Variants in ZFAND3 observed in about 807,000 individuals in gnomAD.
The protein encoded by ZFAND3 is AN1-type zinc finger protein 3.
Under a neutral mutation model 29.6 loss-of-function variants are expected in ZFAND3, and 10 were observed. The ratio of observed to expected loss-of-function variants is 0.34; its 90% CI spans 0.21 to 0.57. The LOEUF (loss-of-function observed/expected upper bound fraction) is 0.57, where lower values mean the gene tolerates loss of function less well. Among genes scored for constraint, ZFAND3 ranks in the 20% least tolerant of loss-of-function variants. The pLI, the probability that ZFAND3 is intolerant of heterozygous loss-of-function variation, is 0.86. For missense variants in ZFAND3, 230 were observed against 304.5 expected (o/e 0.76, Z 1.82); for synonymous variants, 128 against 112.6 (o/e 1.14, Z -0.87).
chr6:37,896,554 C>CTTTCTTTTCT (rs1554153845), intron 1 of ZFAND3, among the ~76,000 whole-genome samples: 1 of 137,698 alleles, frequency 7.3e-6, no homozygotes, highest in Non-Finnish European at 1.6e-5. Context: ...TTCTTTCTTT[C>CTTTCTTTTCT]TTTCTTTCTT....
intron 2 of ZFAND3, among the ~76,000 whole-genome samples, chr6:38,043,223 C>G (rs934047401): frequency 6.6e-6 from 1 of 151,916 alleles, no homozygotes. Context: ...CCTTCTTCCT[C>G]CCTCCGTATC....
At chr6:38,022,119 GA>G (rs929896968) in intron 2 of ZFAND3, among the ~76,000 whole-genome samples, 5 of 152,294 alleles carry the variant, frequency 3.3e-5, no homozygotes, top group African/African-American at 1.2e-4. Context: ...GAGCTTGTAA[GA>G]AATGCAGAAT....
At chr6:37,823,219 T>C (rs1438448120) in intron 1 of ZFAND3, among the ~76,000 whole-genome samples, 5 of 152,246 alleles carry the variant, frequency 3.3e-5, no homozygotes, top group African/African-American at 9.6e-5. Flanking sequence ...CTGGGGAGAA[T>C]AGAGCGAAGT....
chr6:37,898,447 G>T (rs1235381736), intron 1 of ZFAND3, among the ~76,000 whole-genome samples: 1 of 152,034 alleles, frequency 6.6e-6, no homozygotes, highest in Non-Finnish European at 1.5e-5. Context: ...AAGTCCTTCA[G>T]GTTTTTTATT....
intron 2 of ZFAND3, among the ~76,000 whole-genome samples, chr6:37,950,379 GT>G (rs1159316821): frequency 7.3e-4 from 100 of 137,792 alleles, no homozygotes; most frequent in African/African-American, 9.2e-4. Context: ...TTGTTGACTT[GT>G]TTTTTTTTTT....
intron 4 of ZFAND3, among the ~76,000 whole-genome samples, chr6:38,103,680 A>G (rs1302566265): frequency 6.6e-6 from 1 of 152,122 alleles, no homozygotes; most frequent in Non-Finnish European, 1.5e-5. Context: ...ACACTGTACG[A>G]ACACTGTACA....
intron 2 of ZFAND3, among the ~76,000 whole-genome samples, chr6:37,933,331 A>G (rs933698840): frequency 2.0e-5 from 3 of 152,252 alleles, no homozygotes; most frequent in Admixed American, 2.0e-4. Flanking sequence ...TGGGAAAAAC[A>G]TCTTTAAAGT....
intron 5 of ZFAND3, among the ~76,000 whole-genome samples, chr6:38,129,499 A>G (rs987284312): frequency 3.9e-5 from 6 of 152,180 alleles, no homozygotes; most frequent in African/African-American, 7.2e-5. Context: ...TGATTTTTGT[A>G]TAAGGTGAGA....
At chr6:38,025,559 T>C (rs1188163187) in intron 2 of ZFAND3, among the ~76,000 whole-genome samples, 1 of 152,236 alleles carries the variant, frequency 6.6e-6, no homozygotes, top group Non-Finnish European at 1.5e-5. Flanking sequence ...GAAATAGTTA[T>C]GCTGAATTAG....
At chr6:38,061,270 T>A (rs1439225478) in intron 2 of ZFAND3, among the ~76,000 whole-genome samples, 1 of 152,260 alleles carries the variant, frequency 6.6e-6, no homozygotes, top group Non-Finnish European at 1.5e-5. Flanking sequence ...TCTGAAAAGT[T>A]TGAAAAACTA....
At chr6:37,990,394 T>C (rs964728036) in intron 2 of ZFAND3, among the ~76,000 whole-genome samples, 7 of 152,184 alleles carry the variant, frequency 4.6e-5, no homozygotes, top group African/African-American at 1.7e-4. Flanking sequence ...GGTATGTACT[T>C]CCTAGAGCCA....
chr6:38,153,675 G>A lies in ZFAND3; in HGVS notation c.*1286G>A. 1.5e-5 allele frequency: 15 copies of A among 985,426 alleles called. No homozygotes were observed. The highest frequency in any genetic ancestry group is 1.8e-5 in the Non-Finnish European group (15 of 829,928). 61.0% of individuals were successfully genotyped at this position (985,426 alleles called of 1,614,324 possible). A position where few individuals can be genotyped will look rare whatever the true frequency, so the allele number is the denominator to read the frequency against. ...CAACTGCGCACGCCAGGTGGGGAAGGGTGGGGGTGGGCCTGGTTGCCCCAT... is the reference window on the plus strand; with the variant it reads ...CAACTGCGCACGCCAGGTGGGGAAGAGTGGGGGTGGGCCTGGTTGCCCCAT... On this transcript the variant is annotated 3_prime_UTR_variant, in exon 6 of 6. Coordinates refer to ENST00000287218, the MANE Select transcript of ZFAND3 (RefSeq NM_021943.3).
At chr6:37,919,898 C>G (rs1310053469) in intron 1 of ZFAND3, among the ~76,000 whole-genome samples, 3 of 152,170 alleles carry the variant, frequency 2.0e-5, no homozygotes, top group Non-Finnish European at 2.9e-5. Flanking sequence ...GTGATGAGAA[C>G]TTCACTGTCT....
chr6:38,082,504 A>G (rs762370863), intron 4 of ZFAND3, 47 bp downstream of exon 4: 18 of 1,576,390 alleles, frequency 1.1e-5, no homozygotes, highest in Non-Finnish European at 1.6e-5. Flanking sequence ...TGAATTCTTC[A>G]CAGAAGTTAG....
chr6:37,977,831 C>T (rs9470739), intron 2 of ZFAND3, among the ~76,000 whole-genome samples: 1,712 of 8,490 alleles, frequency 0.2, 273 homozygotes, highest in Non-Finnish European at 0.25. Flanking sequence ...AAATGCTTTT[C>T]CTTCCTTCCT....
At chr6:38,006,473 T>G (rs1230810092) in intron 2 of ZFAND3, among the ~76,000 whole-genome samples, 1 of 152,070 alleles carries the variant, frequency 6.6e-6, no homozygotes, top group Admixed American at 6.6e-5. Flanking sequence ...CTGTTTCGAG[T>G]GCTTTTTGTC....
At chr6:37,872,732 A>G (rs537334799) in intron 1 of ZFAND3, among the ~76,000 whole-genome samples, 13 of 152,272 alleles carry the variant, frequency 8.5e-5, no homozygotes, top group African/African-American at 3.1e-4. Flanking sequence ...GCTGGGAAGT[A>G]TTTCATTGTG....
At chr6:37,832,070 C>T (rs1200851488) in intron 1 of ZFAND3, among the ~76,000 whole-genome samples, 1 of 152,120 alleles carries the variant, frequency 6.6e-6, no homozygotes, top group African/African-American at 2.4e-5. Context: ...AAGTCGTGGA[C>T]CCCTTCTGAG....
chr6:37,849,260 A>G (rs1764238411), intron 1 of ZFAND3, among the ~76,000 whole-genome samples: 2 of 152,056 alleles, frequency 1.3e-5, no homozygotes, highest in Admixed American at 6.6e-5. Context: ...TTAGAGTTGC[A>G]TTGTTCTATT....
Sources: gnomAD v4.1 joint callset for allele counts (sites outside exome capture counted in the v4.1 genomes callset) on GRCh38, gnomAD v4.1.1 for gene constraint, MANE v1.5 for transcripts, NCBI Gene and HGNC (gene_info 2026-07-23, HGNC 2026-07-21) for gene names.